The following HTR4 variants were observed in gnomAD, a reference collection of about 807,000 sequenced individuals.
HTR4 encodes 5-hydroxytryptamine receptor 4.
A neutral mutation model predicts 36.8 loss-of-function variants in HTR4; 16 were observed. The ratio of observed to expected loss-of-function variants is 0.43; its 90% confidence interval spans 0.29 to 0.66. The LOEUF is 0.66. Among genes scored for constraint, HTR4 ranks in the 30% least tolerant of loss-of-function variants. The pLI, the probability that HTR4 is intolerant of heterozygous loss-of-function variation, is 0.13. For missense variants in HTR4, 438 were observed against 490.9 expected, an observed-to-expected ratio of 0.89 and a Z score of 1.02; for synonymous variants, 189 against 185.1, an observed-to-expected ratio of 1.02 and a Z score of -0.17.
intron 2 of HTR4, chr5:148,628,690 T>C (rs147010600): frequency 2.6e-4 from 39 of 152,298 alleles, no homozygotes; most frequent in African/African-American, 9.1e-4. Context: ...TCTTTTTATT[T>C]CTTTTGTAAA....
intron 6 of HTR4, among the ~76,000 whole-genome samples, chr5:148,509,121 C>T (rs1757367262): frequency 6.6e-6 from 1 of 152,166 alleles, no homozygotes; most frequent in South Asian, 2.1e-4. Flanking sequence ...TCCACATATA[C>T]TAGCTAATTT....
At chr5:148,620,294 A>G (rs1561654582) in intron 2 of HTR4, among the ~76,000 whole-genome samples, 2 of 152,228 alleles carry the variant, frequency 1.3e-5, no homozygotes, top group Non-Finnish European at 2.9e-5. Context: ...TGTGTTGAAA[A>G]GGAAGGTGAA....
intron 5 of HTR4, among the ~76,000 whole-genome samples, chr5:148,457,767 A>G (rs1380491573): frequency 1.4e-5 from 2 of 143,090 alleles, no homozygotes; most frequent in African/African-American, 5.2e-5. Flanking sequence ...ATTTTGGTAT[A>G]TCATTAAAAT....
At chr5:148,452,706 C>T (rs1179780945) in intron 5 of HTR4, among the ~76,000 whole-genome samples, 2 of 152,134 alleles carry the variant, frequency 1.3e-5, no homozygotes, top group African/African-American at 4.8e-5. Context: ...AACCGTCCAC[C>T]GCAGCTGTTG....
At chr5:148,597,089 G>A (rs1761807021) in intron 2 of HTR4, among the ~76,000 whole-genome samples, 1 of 152,108 alleles carries the variant, frequency 6.6e-6, no homozygotes. Flanking sequence ...CTCAGATGCT[G>A]GCTTTATTCA....
At chr5:148,617,828 A>G (rs1752762385) in intron 2 of HTR4, among the ~76,000 whole-genome samples, 1 of 152,122 alleles carries the variant, frequency 6.6e-6, no homozygotes, top group South Asian at 2.1e-4. Context: ...CTCTGGTTTC[A>G]AATTTCAGAA....
chr5:148,586,660 G>A (rs773134018), intron 2 of HTR4, among the ~76,000 whole-genome samples: 4 of 152,172 alleles, frequency 2.6e-5, no homozygotes, highest in Non-Finnish European at 5.9e-5. Context: ...TGAGATTTGG[G>A]TGGGGATAGA....
At chr5:148,633,789 C>A (rs1160566304) in intron 2 of HTR4, among the ~76,000 whole-genome samples, 1 of 152,110 alleles carries the variant, frequency 6.6e-6, no homozygotes, top group African/African-American at 2.4e-5. Context: ...AATCTACTGA[C>A]AATTTCTTCC....
intron 4 of HTR4, among the ~76,000 whole-genome samples, chr5:148,533,990 A>G (rs953447894): frequency 6.6e-6 from 1 of 152,234 alleles, no homozygotes; most frequent in Non-Finnish European, 1.5e-5. Context: ...ATTCTAAGAA[A>G]TATAAAGGTG....
At chr5:148,638,556 G>A (rs898627853) in intron 1 of HTR4, among the ~76,000 whole-genome samples, 1 of 152,004 alleles carries the variant, frequency 6.6e-6, no homozygotes, top group Non-Finnish European at 1.5e-5. Context: ...GGTGTAGACA[G>A]TGCCCATCCA....
At chr5:148,476,628 C>T, downstream of HTR4, 1 of 1,567,614 alleles carries the variant, frequency 6.4e-7, no homozygotes, top group South Asian at 1.2e-5. Context: ...CACATTCTTC[C>T]AAACAAATAC....
intron 2 of HTR4, among the ~76,000 whole-genome samples, chr5:148,554,687 C>A (rs1046087666): frequency 6.6e-6 from 1 of 152,000 alleles, no homozygotes; most frequent in Admixed American, 6.6e-5. Flanking sequence ...TATTTTAGGT[C>A]CAGAGGTACA....
chr5:148,481,584 C>T lies in HTR4; in HGVS notation c.*1619G>A. The T allele has an allele frequency of 1.3e-6, 2 of 1,509,208 alleles. No individual in the cohort carries two copies. The highest frequency in any genetic ancestry group is 8.8e-7 in the Non-Finnish European group (1 of 1,136,084). 93.5% of individuals were successfully genotyped at this position (1,509,208 alleles called of 1,614,324 possible). ...GCATTTGGATGGTTTGGTCAATCTT[C>T]TCTTCCTTATTCCAAAGTTTCTTCC... On this transcript the variant is annotated 3_prime_UTR_variant, in exon 7 of 7. Coordinates refer to ENST00000377888, the MANE Select transcript of HTR4 (RefSeq NM_000870.7).
At chr5:148,479,942 A>C (rs1446596310), downstream of HTR4, among the ~76,000 whole-genome samples, 1 of 152,202 alleles carries the variant, frequency 6.6e-6, no homozygotes, top group Non-Finnish European at 1.5e-5. Context: ...TAACAATCAT[A>C]TACATAGACT....
intron 2 of HTR4, among the ~76,000 whole-genome samples, chr5:148,596,082 G>A (rs1761760513): frequency 6.6e-6 from 1 of 152,208 alleles, no homozygotes. Flanking sequence ...TGAGGACATA[G>A]TAATTAAGCA....
At chr5:148,632,286 C>A (rs910961733) in intron 2 of HTR4, among the ~76,000 whole-genome samples, 3 of 152,122 alleles carry the variant, frequency 2.0e-5, no homozygotes, top group Non-Finnish European at 4.4e-5. Flanking sequence ...TTCCTAGAAA[C>A]CCTAGCAAAG....
At chr5:148,605,211 T>C (rs995616749) in intron 2 of HTR4, among the ~76,000 whole-genome samples, 3 of 151,984 alleles carry the variant, frequency 2.0e-5, no homozygotes, top group African/African-American at 7.2e-5. Context: ...GTATGTTCAA[T>C]TCTTTCTATG....
intron 2 of HTR4, among the ~76,000 whole-genome samples, chr5:148,620,012 G>A (rs906918719): frequency 2.0e-5 from 3 of 152,120 alleles, no homozygotes; most frequent in South Asian, 2.1e-4. Context: ...TAGACAAGCC[G>A]AGTTTGAGAA....
intron 2 of HTR4, among the ~76,000 whole-genome samples, chr5:148,583,087 T>C (rs1340872860): frequency 6.6e-6 from 1 of 151,550 alleles, no homozygotes; most frequent in Non-Finnish European, 1.5e-5. Flanking sequence ...TAGATAGCTC[T>C]TATTATTTTG....
Sources: allele counts gnomAD v4.1 joint callset (sites outside exome capture counted in the v4.1 genomes callset), GRCh38; gene constraint gnomAD v4.1.1; transcripts MANE v1.5; gene names NCBI Gene and HGNC (gene_info 2026-07-23, HGNC 2026-07-21).